Variants in CNTNAP5 observed in about 807,000 individuals in gnomAD.
CNTNAP5 encodes contactin-associated protein-like 5.
Under a neutral mutation model 150.2 loss-of-function variants are expected in CNTNAP5, and 72 were observed. That is an observed-to-expected ratio of 0.48 (90% CI 0.40 to 0.58). CNTNAP5 has a LOEUF of 0.58. Among genes scored for constraint, CNTNAP5 ranks in the 20% least tolerant of loss-of-function variants. CNTNAP5 has a pLI of 0.00. For synonymous variants in CNTNAP5, 672 were observed against 619.8 expected, an observed-to-expected ratio of 1.08 and a Z score of -1.25; for missense variants, 1,636 against 1,626.2, an observed-to-expected ratio of 1.01 and a Z score of -0.10.
chr2:124,492,078 C>T (rs1194527455), intron 7 of CNTNAP5, among the ~76,000 whole-genome samples: 2 of 152,110 alleles, frequency 1.3e-5, no homozygotes, highest in East Asian at 3.8e-4. Context: ...GTTGCCTTTT[C>T]ATTCTGTTGC....
chr2:124,274,483 A>C (rs769613370), intron 3 of CNTNAP5, among the ~76,000 whole-genome samples: 6 of 146,112 alleles, frequency 4.1e-5, no homozygotes, highest in Non-Finnish European at 6.1e-5. Flanking sequence ...CCAGCTGGAA[A>C]AGACAATCAG....
At chr2:124,526,467 T>C (rs894249945) in intron 9 of CNTNAP5, among the ~76,000 whole-genome samples, 1 of 152,094 alleles carries the variant, frequency 6.6e-6, no homozygotes, top group African/African-American at 2.4e-5. Flanking sequence ...ATTACCATGG[T>C]TTCAAGCTTG....
intron 19 of CNTNAP5, among the ~76,000 whole-genome samples, chr2:124,829,875 T>C (rs1429801819): frequency 6.6e-6 from 1 of 151,902 alleles, no homozygotes; most frequent in African/African-American, 2.4e-5. Context: ...CTAAGATAAT[T>C]AGAATCATGA....
chr2:124,108,606 CAT>C (rs1254526146), intron 1 of CNTNAP5, among the ~76,000 whole-genome samples: 1 of 152,168 alleles, frequency 6.6e-6, no homozygotes. Context: ...GTTCCTCTCT[CAT>C]GTGCACATTA....
At chr2:124,436,954 T>C (rs560179110) in intron 5 of CNTNAP5, among the ~76,000 whole-genome samples, 1 of 152,278 alleles carries the variant, frequency 6.6e-6, no homozygotes, top group African/African-American at 2.4e-5. Context: ...ATAGCATAAG[T>C]TTCTAGGTTC....
intron 8 of CNTNAP5, among the ~76,000 whole-genome samples, chr2:124,507,634 T>C (rs1230192712): frequency 2.0e-5 from 3 of 152,126 alleles, no homozygotes; most frequent in Admixed American, 1.3e-4. Flanking sequence ...AAATGTTTTT[T>C]TCAGACTTTT....
chr2:124,530,695 G>T (rs1695084019), intron 10 of CNTNAP5, among the ~76,000 whole-genome samples: 3 of 152,154 alleles, frequency 2.0e-5, no homozygotes, highest in Non-Finnish European at 4.4e-5. Flanking sequence ...TCCATGGGCA[G>T]GATGGGAGAA....
intron 4 of CNTNAP5, among the ~76,000 whole-genome samples, chr2:124,419,041 G>A (rs1692004586): frequency 6.8e-6 from 1 of 147,698 alleles, no homozygotes. Flanking sequence ...GGCTGAGGCA[G>A]GAGAATGGCG....
chr2:124,771,814 A>G (rs980654213), intron 16 of CNTNAP5, among the ~76,000 whole-genome samples: 3 of 150,354 alleles, frequency 2.0e-5, no homozygotes, highest in Non-Finnish European at 4.4e-5. Context: ...CACCATCGCC[A>G]TCACCACCAC....
chr2:124,181,604 T>A (rs1039744831), intron 1 of CNTNAP5, among the ~76,000 whole-genome samples: 1 of 152,158 alleles, frequency 6.6e-6, no homozygotes, highest in African/African-American at 2.4e-5. Context: ...TGAAAATTGT[T>A]CTGCACTAAC....
At chr2:124,055,670 A>G (rs2104647399) in intron 1 of CNTNAP5, among the ~76,000 whole-genome samples, 2 of 152,296 alleles carry the variant, frequency 1.3e-5, no homozygotes, top group African/African-American at 2.4e-5. Flanking sequence ...GGACCTCATA[A>G]GTTGCCCAGC....
intron 12 of CNTNAP5, among the ~76,000 whole-genome samples, chr2:124,636,640 C>CTG (rs374829931): frequency 0.066 from 9,953 of 151,290 alleles, 511 homozygotes; most frequent in African/African-American, 0.14. Flanking sequence ...CTCCTTAACT[C>CTG]TGTGTGTGTG....
chr2:124,819,213 T>G (rs1682433585), intron 19 of CNTNAP5, among the ~76,000 whole-genome samples: 1 of 152,178 alleles, frequency 6.6e-6, no homozygotes, highest in Admixed American at 6.5e-5. Context: ...AACCTTAATG[T>G]AAGCTTTGGA....
At chr2:124,816,983 T>A (rs914059222) in intron 19 of CNTNAP5, among the ~76,000 whole-genome samples, 4 of 152,190 alleles carry the variant, frequency 2.6e-5, no homozygotes, top group Non-Finnish European at 5.9e-5. Flanking sequence ...TGGGGTTCTA[T>A]GTGGGGTGTA....
chr2:124,260,643 T>C (rs1418057351), intron 3 of CNTNAP5, among the ~76,000 whole-genome samples: 1 of 152,214 alleles, frequency 6.6e-6, no homozygotes, highest in Admixed American at 6.5e-5. Context: ...ATATCCAGCA[T>C]CTACAATGAA....
At chr2:124,814,566 A>G (rs1298657959) in intron 19 of CNTNAP5, among the ~76,000 whole-genome samples, 2 of 152,120 alleles carry the variant, frequency 1.3e-5, no homozygotes, top group Non-Finnish European at 2.9e-5. Flanking sequence ...GCTTCTTTTA[A>G]AAATAGGGCA....
intron 19 of CNTNAP5, among the ~76,000 whole-genome samples, chr2:124,855,694 T>G (rs1234764489): frequency 6.6e-6 from 1 of 152,210 alleles, no homozygotes; most frequent in Non-Finnish European, 1.5e-5. Flanking sequence ...ATTTAATTAA[T>G]GTAATTTTAT....
intron 3 of CNTNAP5, among the ~76,000 whole-genome samples, chr2:124,315,707 T>TC (rs1424980721): frequency 3.3e-5 from 5 of 152,194 alleles, no homozygotes; most frequent in Admixed American, 6.5e-5. Context: ...CTACTTTATC[T>TC]CCCCCAGGGA....
At chr2:124,661,234 A>G (rs534338163) in intron 13 of CNTNAP5, among the ~76,000 whole-genome samples, 1 of 152,184 alleles carries the variant, frequency 6.6e-6, no homozygotes, top group South Asian at 2.1e-4. Flanking sequence ...TAACATTTTT[A>G]CTCTTTTATA....
Sources: gnomAD v4.1 joint callset for allele counts (sites outside exome capture counted in the v4.1 genomes callset) on GRCh38, gnomAD v4.1.1 for gene constraint, MANE v1.5 for transcripts, NCBI Gene and HGNC (gene_info 2026-07-23, HGNC 2026-07-21) for gene names.